CLCA1: variants seen among roughly 807,000 people sequenced by gnomAD.
CLCA1 encodes the protein chloride channel accessory 1.
CLCA1 carries 59 observed loss-of-function variants against 85.6 expected under a neutral mutation model. That is an observed-to-expected ratio of 0.69 (90% confidence interval 0.56 to 0.86). The LOEUF is 0.86. Among genes scored for constraint, CLCA1 ranks in the 40% least tolerant of loss-of-function variants. CLCA1 has a pLI of 0.00. For synonymous variants in CLCA1, 396 were observed against 398.3 expected, an observed-to-expected ratio of 0.99 and a Z score of 0.07; for missense variants, 1,022 against 1,101.4, an observed-to-expected ratio of 0.93 and a Z score of 1.02.
At position 86,493,467 on chromosome 1, in the gene CLCA1, T is replaced by C. The variant is rs2101745997; in HGVS notation, c.1548T>C (p.Thr516=). The C allele has an allele frequency of 6.2e-7, 1 of 1,614,060 alleles. No individual in the cohort carries two copies. The highest frequency in any genetic ancestry group is 8.5e-7 in the Non-Finnish European group (1 of 1,179,978). ...TGGACAGCACCGTGGGAAAGGACAC[T>C]TTGTTTCTTATCACCTGGACAATGC... The part of the protein sequence containing the change: ...VIVDSTVGKD[T]LFLITWTMQP... The change falls in exon 10 of 14, where the codon ACT becomes ACC. Residue 516 remains threonine, a synonymous_variant. Transcript: ENST00000394711.
At chr1:86,474,312 T>C (rs1647583529) in intron 3 of CLCA1, among the ~76,000 whole-genome samples, 1 of 152,204 alleles carries the variant, frequency 6.6e-6, no homozygotes, top group African/African-American at 2.4e-5. Context: ...GATTCTCCTT[T>C]AGGAGGCCGA....
chr1:86,472,634 T>G (rs1232343460), intron 1 of CLCA1, among the ~76,000 whole-genome samples: 1 of 152,210 alleles, frequency 6.6e-6, no homozygotes, highest in African/African-American at 2.4e-5. Flanking sequence ...CATTTATAAT[T>G]TAACGCTGCA....
At chr1:86,483,634 C>T (rs1221782760) in intron 5 of CLCA1, among the ~76,000 whole-genome samples, 1 of 152,006 alleles carries the variant, frequency 6.6e-6, no homozygotes, top group Non-Finnish European at 1.5e-5. Flanking sequence ...GACCTTAGTG[C>T]ATATATTCTC....
In CLCA1 at chr1:86,473,488, C is replaced by T; in HGVS notation, c.234C>T (p.Ala78=). The T allele has an allele frequency of 1.2e-6, 2 of 1,610,382 alleles. No homozygotes were observed. The highest frequency in any genetic ancestry group is 1.7e-6 in the Non-Finnish European group (2 of 1,176,920). ...TGKRFYFKNV[A]ILIPETWKTK... is the part of the protein sequence containing the mutation. ...AGCGATTTTATTTCAAAAATGTTGC[C>T]ATTTTGATTCCTGAAACATGGAAGA... The change falls in exon 2 of 14, where the codon GCC becomes GCT. Residue 78 remains alanine, a synonymous_variant. Transcript: ENST00000394711.
intron 13 of CLCA1, among the ~76,000 whole-genome samples, 195 bp from the exon 14 acceptor site, chr1:86,499,459 A>T (rs558201099): frequency 1.5e-4 from 23 of 152,362 alleles, no homozygotes; most frequent in Non-Finnish European, 3.1e-4. Flanking sequence ...GTCATTATAT[A>T]CAAACAAGAA....
intron 5 of CLCA1, among the ~76,000 whole-genome samples, chr1:86,483,256 A>C (rs1356435914): frequency 1.3e-5 from 2 of 152,196 alleles, no homozygotes; most frequent in African/African-American, 4.8e-5. Flanking sequence ...GTTAAATATG[A>C]TGCCTAGTCA....
chr1:86,476,249 G>C (rs1313069893), intron 3 of CLCA1, among the ~76,000 whole-genome samples, 199 bp from the exon 4 acceptor site: 1 of 152,176 alleles, frequency 6.6e-6, no homozygotes, highest in Non-Finnish European at 1.5e-5. Flanking sequence ...CTAGGTGCCT[G>C]ATTAACATTT....
intron 1 of CLCA1, among the ~76,000 whole-genome samples, chr1:86,471,558 A>G (rs1241843262): frequency 6.6e-6 from 1 of 152,236 alleles, no homozygotes; most frequent in Non-Finnish European, 1.5e-5. Flanking sequence ...CCTGGGAGAC[A>G]TTGGAAATTC....
intron 1 of CLCA1, among the ~76,000 whole-genome samples, chr1:86,470,332 G>A (rs947563909): frequency 1.3e-5 from 2 of 152,194 alleles, no homozygotes; most frequent in African/African-American, 4.8e-5. Context: ...TGGTAAAAGG[G>A]AGATTCAGAC....
At chr1:86,472,915 GC>G (rs745488911) in intron 1 of CLCA1, among the ~76,000 whole-genome samples, 27 of 152,132 alleles carry the variant, frequency 1.8e-4, no homozygotes, top group Non-Finnish European at 3.2e-4. Flanking sequence ...ATTACTACTT[GC>G]TGTGAGACCT....
rs1162606268 is a variant in CLCA1, at chr1:86,469,028, C to T, written c.57C>T (p.Ala19=). The T allele has an allele frequency of 1.2e-6, 2 of 1,612,976 alleles. No individual in the cohort carries two copies. The highest frequency in any genetic ancestry group is 1.7e-6 in the Non-Finnish European group (2 of 1,179,406). Residue 19 remains alanine (A), a synonymous_variant, in exon 1 of 14, where the codon GCC becomes GCT. Coordinates refer to ENST00000394711, the MANE Select transcript of CLCA1 (RefSeq NM_001285.4). ...TGATTCTTCACCTTCTAGAAGGGGC[C>T]CTGAGTAATTCACTCATTCAGCTGA... is the stretch of plus-strand genomic sequence containing the variant. ...FILILHLLEG[A]LSNSLIQLNN...
chr1:86,493,716 C>A (rs749554412), intron 10 of CLCA1, 117 bp downstream of exon 10: 15 of 768,696 alleles, frequency 2.0e-5, no homozygotes, highest in Non-Finnish European at 2.9e-5. Flanking sequence ...AGTATTGAAT[C>A]AAAGAGAGAA....
rs775550727 is a variant in CLCA1 at position 86,493,587 on chromosome 1, A to G, written c.1668A>G (p.Pro556=). 3 of 1,613,430 alleles carry G rather than the reference A, an allele frequency of 1.9e-6. No homozygotes were observed. The highest frequency in any genetic ancestry group is 1.7e-6 in the Non-Finnish European group (2 of 1,179,342). ...KNTKMAYLQI[P]GIAKVGTWKY... ...CCAAAATGGCCTACCTCCAAATCCCAGGCATTGCTAAGGTATGGAGTCAGC... is the reference window on the plus strand; with the variant it reads ...CCAAAATGGCCTACCTCCAAATCCCGGGCATTGCTAAGGTATGGAGTCAGC... Residue 556 remains proline, a synonymous_variant, in exon 10 of 14, where the codon CCA becomes CCG. Transcript: ENST00000394711.
chr1:86,476,411 C>T (rs1334840416), intron 3 of CLCA1, 37 bp from the exon 4 acceptor site: 2 of 1,052,500 alleles, frequency 1.9e-6, no homozygotes, highest in Non-Finnish European at 3.0e-6. Flanking sequence ...TTTTGCCATT[C>T]TTATTGTAAT....
intron 6 of CLCA1, 63 bp downstream of exon 6, chr1:86,485,624 A>C: frequency 6.9e-7 from 1 of 1,444,722 alleles, no homozygotes; most frequent in East Asian, 2.3e-5. Flanking sequence ...CTGGACCCTG[A>C]CTCGGAACTA....
intron 4 of CLCA1, among the ~76,000 whole-genome samples, chr1:86,478,976 A>C (rs1647749508): frequency 1.3e-5 from 2 of 152,212 alleles, no homozygotes; most frequent in Non-Finnish European, 2.9e-5. Flanking sequence ...GAAACACTAG[A>C]GACACTGCCA....
intron 8 of CLCA1, 94 bp from the exon 9 acceptor site, chr1:86,491,171 G>A: frequency 1.3e-6 from 1 of 762,802 alleles, no homozygotes; most frequent in Admixed American, 2.3e-5. Context: ...AACACAAAGG[G>A]ATATTTATAT....
At chr1:86,476,307 T>C (rs1647633741) in intron 3 of CLCA1, 141 bp from the exon 4 acceptor site, 4 of 577,062 alleles carry the variant, frequency 6.9e-6, no homozygotes, top group Middle Eastern at 3.4e-4. Context: ...TACAGTTATA[T>C]TAGATCTAAA....
intron 3 of CLCA1, 124 bp downstream of exon 3, chr1:86,474,000 A>C: frequency 1.7e-6 from 1 of 597,704 alleles, no homozygotes; most frequent in Non-Finnish European, 2.7e-6. Context: ...AAAACATCAT[A>C]GCATTTTTCA....
Sources: allele counts gnomAD v4.1 joint callset (sites outside exome capture counted in the v4.1 genomes callset), GRCh38; gene constraint gnomAD v4.1.1; transcripts MANE v1.5; gene names NCBI Gene and HGNC (gene_info 2026-07-23, HGNC 2026-07-21).